The following FBXO34 variants were observed in gnomAD, a reference collection of about 807,000 sequenced individuals.
The protein encoded by FBXO34 is F-box protein 34, also known as F-box only protein 34.
In FBXO34, 12 loss-of-function variants were observed where a neutral mutation model predicts 24.5. The observed-to-expected ratio is 0.49, with a 90% confidence interval of 0.31 to 0.79. The LOEUF (loss-of-function observed/expected upper bound fraction) is 0.79, where lower values mean the gene tolerates loss of function less well. Among genes scored for constraint, FBXO34 ranks in the 30% least tolerant of loss-of-function variants. The probability of loss-of-function intolerance (pLI) is 0.04; values close to 1 mark genes in which losing one functional copy is unlikely to be tolerated. For missense variants in FBXO34, 823 were observed against 857.7 expected (o/e 0.96, Z 0.51); for synonymous variants, 320 against 311.9 (o/e 1.03, Z -0.27).
downstream of FBXO34, among the ~76,000 whole-genome samples, chr14:55,364,801 A>G (rs143325979): frequency 5.9e-4 from 89 of 150,126 alleles, 4 homozygotes; most frequent in East Asian, 0.012. Context: ...CAGTGGTGCA[A>G]TCACAGCTCA....
the FBXO34 span, among the ~76,000 whole-genome samples, chr14:55,387,539 T>C: frequency 0.56 from 84,678 of 152,056 alleles, 26,609 homozygotes; most frequent in African/African-American, 0.87. Flanking sequence ...GAGGTCCCAC[T>C]GAAGCCTTGC....
At chr14:55,322,258 C>T (rs1401874674) in intron 1 of FBXO34, among the ~76,000 whole-genome samples, 3 of 149,444 alleles carry the variant, frequency 2.0e-5, no homozygotes, top group Non-Finnish European at 4.4e-5. Context: ...TGCAGTGAGC[C>T]GAGATCACGC....
At chr14:55,313,754 A>C (rs2140006382) in intron 1 of FBXO34, among the ~76,000 whole-genome samples, 1 of 152,198 alleles carries the variant, frequency 6.6e-6, no homozygotes. Flanking sequence ...AACTGACCTC[A>C]CTGTCATGAG....
the FBXO34 span, among the ~76,000 whole-genome samples, chr14:55,420,072 G>T: frequency 9.2e-5 from 14 of 151,834 alleles, no homozygotes; most frequent in African/African-American, 2.4e-4. Flanking sequence ...GGTTTTTTTT[G>T]TTTGTTTGTT....
At chr14:55,336,069 G>A (rs1016919344) in intron 1 of FBXO34, among the ~76,000 whole-genome samples, 13 of 152,042 alleles carry the variant, frequency 8.6e-5, no homozygotes, top group Non-Finnish European at 1.5e-4. Context: ...AAAGTTAAGT[G>A]CACTTATACA....
chr14:55,391,348 T>C, the FBXO34 span: 57 of 171,308 alleles, frequency 3.3e-4, 1 homozygote, highest in South Asian at 6.7e-3. Flanking sequence ...TGGTGGCGCA[T>C]GCCTGTAATC....
intron 3 of FBXO34, among the ~76,000 whole-genome samples, chr14:55,359,162 T>C (rs1884560583): frequency 6.6e-6 from 1 of 152,040 alleles, no homozygotes; most frequent in South Asian, 2.1e-4. Flanking sequence ...TGTGGGACAT[T>C]TCAAGCAGGG....
At chr14:55,331,733 A>ATATATATGTGTG (rs1883570675) in intron 1 of FBXO34, among the ~76,000 whole-genome samples, 1 of 48,030 alleles carries the variant, frequency 2.1e-5, no homozygotes, top group Non-Finnish European at 3.6e-5. Context: ...ATATATGTAT[A>ATATATATGTGTG]TATATATGTG....
chr14:55,365,366 T>TA (rs920688957), downstream of FBXO34, among the ~76,000 whole-genome samples: 3 of 151,770 alleles, frequency 2.0e-5, no homozygotes, highest in Admixed American at 1.3e-4. Flanking sequence ...TGCCCCGCCC[T>TA]AAAAAAAATT....
At chr14:55,272,563 G>A (rs937894053) in intron 1 of FBXO34, among the ~76,000 whole-genome samples, 24 of 136,828 alleles carry the variant, frequency 1.8e-4, no homozygotes, top group African/African-American at 6.5e-4. Flanking sequence ...CTATCTGCTT[G>A]TTAGCATTTT....
chr14:55,321,488 C>G (rs1883133781), intron 1 of FBXO34, among the ~76,000 whole-genome samples: 1 of 152,054 alleles, frequency 6.6e-6, no homozygotes, highest in Non-Finnish European at 1.5e-5. Flanking sequence ...CCTCTACCTC[C>G]TGGGTTCCAG....
chr14:55,421,526 C>T, the FBXO34 span, among the ~76,000 whole-genome samples: 2 of 152,140 alleles, frequency 1.3e-5, no homozygotes, highest in Non-Finnish European at 2.9e-5. Flanking sequence ...TGCAGTGGCG[C>T]GAACTTGGCT....
chr14:55,381,966 C>T, the FBXO34 span: 5 of 1,613,102 alleles, frequency 3.1e-6, no homozygotes, highest in Admixed American at 1.7e-5. Flanking sequence ...TCTCACCAGG[C>T]CCCTGGGTTG....
chr14:55,385,026 C>T, the FBXO34 span, among the ~76,000 whole-genome samples: 3 of 152,176 alleles, frequency 2.0e-5, no homozygotes, highest in Non-Finnish European at 2.9e-5. Context: ...CGCCTAAGAC[C>T]GAAGTCACGG....
chr14:55,295,435 C>T (rs1415143767), intron 1 of FBXO34, among the ~76,000 whole-genome samples: 1 of 139,938 alleles, frequency 7.1e-6, no homozygotes, highest in Admixed American at 7.9e-5. Flanking sequence ...TCGTCTGTTG[C>T]CCAGGCTGGA....
At chr14:55,438,545 C>T in the FBXO34 span, among the ~76,000 whole-genome samples, 2 of 152,184 alleles carry the variant, frequency 1.3e-5, no homozygotes, top group East Asian at 3.9e-4. Flanking sequence ...AAAGCTGCAA[C>T]AGTCAGTGTC....
At chr14:55,273,584 C>A (rs1189367278) in intron 1 of FBXO34, among the ~76,000 whole-genome samples, 1 of 152,106 alleles carries the variant, frequency 6.6e-6, no homozygotes, top group Non-Finnish European at 1.5e-5. Flanking sequence ...ATGAAAGATA[C>A]ACATTTGAGC....
the FBXO34 span, among the ~76,000 whole-genome samples, chr14:55,405,036 C>G: frequency 6.6e-6 from 1 of 152,152 alleles, no homozygotes; most frequent in Non-Finnish European, 1.5e-5. Context: ...ATTTTCTTAG[C>G]AGATCCACAT....
chr14:55,386,111 T>C, the FBXO34 span: 1 of 1,593,536 alleles, frequency 6.3e-7, no homozygotes, highest in Non-Finnish European at 8.6e-7. Flanking sequence ...AATAAATAAA[T>C]CACACCCAAC....
Sources: gnomAD v4.1 joint callset for allele counts (sites outside exome capture counted in the v4.1 genomes callset) on GRCh38, gnomAD v4.1.1 for gene constraint, MANE v1.5 for transcripts, NCBI Gene and HGNC (gene_info 2026-07-23, HGNC 2026-07-21) for gene names.